Variants in ARHGAP20 observed in about 807,000 individuals in gnomAD.
ARHGAP20 encodes the protein rho GTPase-activating protein 20.
ARHGAP20 carries 34 observed loss-of-function variants against 73.7 expected under a neutral mutation model. The observed-to-expected ratio is 0.46, with a 90% CI of 0.35 to 0.61. The LOEUF (loss-of-function observed/expected upper bound fraction) is 0.61, where lower values mean the gene tolerates loss of function less well. Ranked by LOEUF, ARHGAP20 falls within the 20% of genes least tolerant of loss-of-function variation. The pLI, the probability that ARHGAP20 is intolerant of heterozygous loss-of-function variation, is 0.00. For synonymous variants in ARHGAP20, 523 were observed against 518.2 expected (o/e 1.01, Z -0.13); for missense variants, 1,314 against 1,420.9 (o/e 0.92, Z 1.21).
intron 2 of ARHGAP20, among the ~76,000 whole-genome samples, chr11:110,679,397 T>C (rs1949994299): frequency 6.6e-6 from 1 of 152,168 alleles, no homozygotes; most frequent in Non-Finnish European, 1.5e-5. Context: ...CTGGATGCCA[T>C]TGTGGAGGCT....
At chr11:110,629,651 G>T (rs1948820470) in intron 3 of ARHGAP20, among the ~76,000 whole-genome samples, 1 of 152,144 alleles carries the variant, frequency 6.6e-6, no homozygotes, top group Non-Finnish European at 1.5e-5. Context: ...TATAAAAACA[G>T]TTCACTAAGC....
intron 8 of ARHGAP20, 29 bp downstream of exon 8, chr11:110,608,955 T>A (rs777196697): frequency 6.3e-7 from 1 of 1,582,258 alleles, no homozygotes; most frequent in Admixed American, 1.7e-5. Flanking sequence ...ACACAATCAA[T>A]GCTATCTTAG....
chr11:110,606,231 C>G (rs1948226175), intron 9 of ARHGAP20, among the ~76,000 whole-genome samples: 1 of 152,152 alleles, frequency 6.6e-6, no homozygotes, highest in Non-Finnish European at 1.5e-5. Flanking sequence ...TTAGGGAGAA[C>G]ACACAGTTGG....
intron 5 of ARHGAP20, 35 bp from the exon 6 acceptor site, chr11:110,614,680 G>T: frequency 2.2e-6 from 3 of 1,383,938 alleles, no homozygotes; most frequent in East Asian, 2.4e-5. Context: ...AAACAACACT[G>T]AGTCAGATGG....
At chr11:110,624,859 C>T (rs1948703124) in intron 3 of ARHGAP20, among the ~76,000 whole-genome samples, 1 of 152,072 alleles carries the variant, frequency 6.6e-6, no homozygotes, top group Admixed American at 6.5e-5. Context: ...AACTGGCCAC[C>T]TTATTTTTCT....
At chr11:110,598,401 A>T (rs921143176) in intron 9 of ARHGAP20, among the ~76,000 whole-genome samples, 3 of 152,150 alleles carry the variant, frequency 2.0e-5, no homozygotes, top group African/African-American at 7.2e-5. Context: ...ATTCCATTTA[A>T]TTCCAGAACT....
intron 9 of ARHGAP20, among the ~76,000 whole-genome samples, chr11:110,598,863 C>A (rs764638552): frequency 2.0e-5 from 3 of 152,162 alleles, no homozygotes. Context: ...AATCCCTGGG[C>A]TCTCAGGACC....
chr11:110,648,065 C>T (rs1452715344), intron 2 of ARHGAP20, among the ~76,000 whole-genome samples: 1 of 150,232 alleles, frequency 6.7e-6, no homozygotes, highest in Non-Finnish European at 1.5e-5. Context: ...TGAATAACTA[C>T]CAAAAAGCCT....
At chr11:110,692,783 T>C (rs1055289717) in intron 1 of ARHGAP20, among the ~76,000 whole-genome samples, 1 of 151,990 alleles carries the variant, frequency 6.6e-6, no homozygotes, top group Non-Finnish European at 1.5e-5. Context: ...AGAACTATAA[T>C]GTGGAGGAAA....
chr11:110,611,026 G>GTA (rs1362527390), intron 7 of ARHGAP20, among the ~76,000 whole-genome samples: 3 of 151,912 alleles, frequency 2.0e-5, no homozygotes, highest in East Asian at 1.9e-4. Context: ...AAAAATTTTT[G>GTA]TATATATATA....
chr11:110,583,616 C>T lies in ARHGAP20; in HGVS notation c.1537G>A (p.Val513Ile), dbSNP rs773385706. 6.2e-7 allele frequency: 1 copy of T among 1,613,180 alleles called. No homozygotes were observed. Among genetic ancestry groups the T allele is most frequent in the South Asian group, 1.1e-5 (1 of 90,982 alleles). The change falls in exon 13 of 15, where the codon GTC becomes ATC. Residue 513 changes from valine (V) to isoleucine (I), a missense_variant. Val to Ile is a conservative substitution (Grantham distance 29, BLOSUM62 3). Coordinates refer to ENST00000683387, the MANE Select transcript of ARHGAP20 (RefSeq NM_001384657.1). ...QMTAFNLAVC[V>I]APSILWPPAS... is the part of the protein sequence containing the mutation. ...GGAGGCCAAAGAATACTTGGAGCGACACACACAGCTAAATTAAATGCAGTC... is the reference window on the plus strand; with the variant it reads ...GGAGGCCAAAGAATACTTGGAGCGATACACACAGCTAAATTAAATGCAGTC...
chr11:110,614,385 A>G (rs143057124), intron 6 of ARHGAP20, among the ~76,000 whole-genome samples, 176 bp downstream of exon 6: 8 of 152,308 alleles, frequency 5.3e-5, no homozygotes, highest in African/African-American at 1.9e-4. Flanking sequence ...CATATATATG[A>G]AGACATACAT....
At position 110,579,730 on chromosome 11, in the gene ARHGAP20, C is replaced by G; in HGVS notation, c.3216G>C (p.Glu1072Asp). 2.5e-6 allele frequency: 4 copies of G among 1,614,010 alleles called. No individual in the cohort carries two copies. Among genetic ancestry groups the G allele is most frequent in the Non-Finnish European group, 3.4e-6 (4 of 1,179,994 alleles). Residue 1072 changes from glutamate to aspartate, a missense_variant, in exon 15 of 15, where the codon GAG becomes GAC. This residue lies in a region of ARHGAP20 where 641 missense variants were observed against 636.9 expected (regional missense o/e 1.01). Transcript: ENST00000683387. Reference protein sequence around the residue: ...EKIASPKGPLEPPPHASGVPE... With the variant: ...EKIASPKGPLDPPPHASGVPE... The stretch of plus-strand genomic sequence containing the variant: ...GAACACCAGAAGCATGTGGGGGTGG[C>G]TCTAAGGGTCCTTTTGGAGAAGCTA...
chr11:110,622,832 T>C (rs1385087516), intron 4 of ARHGAP20, among the ~76,000 whole-genome samples: 1 of 152,206 alleles, frequency 6.6e-6, no homozygotes, highest in African/African-American at 2.4e-5. Context: ...GTACATGTTA[T>C]CTACATGACA....
intron 7 of ARHGAP20, among the ~76,000 whole-genome samples, chr11:110,609,829 T>C (rs117336184): frequency 1.3e-5 from 2 of 152,152 alleles, no homozygotes; most frequent in East Asian, 3.9e-4. Flanking sequence ...TAAAAACCAT[T>C]CCACCCCCCA....
intron 2 of ARHGAP20, among the ~76,000 whole-genome samples, chr11:110,644,282 T>G (rs1407092905): frequency 6.6e-6 from 1 of 152,130 alleles, no homozygotes; most frequent in African/African-American, 2.4e-5. Context: ...AATGTCATTT[T>G]TCACAAAATT....
chr11:110,641,867 C>G (rs539111191), intron 2 of ARHGAP20, among the ~76,000 whole-genome samples: 19 of 151,958 alleles, frequency 1.3e-4, no homozygotes, highest in African/African-American at 4.1e-4. Flanking sequence ...TCATTATCCA[C>G]TAAGTAAAAT....
chr11:110,712,252 TC>T lies in ARHGAP20; in HGVS notation c.-22del. ...TCCATGAAGAAAATCTTCAAACAAATCCCAGCCCAGGAGGAGGCTACACGAT... is the reference window on the plus strand; with the variant it reads ...TCCATGAAGAAAATCTTCAAACAAATCCAGCCCAGGAGGAGGCTACACGAT... On this transcript the variant is annotated 5_prime_UTR_variant, in exon 1 of 15. Transcript: ENST00000683387. 7.6e-7 allele frequency: 1 copy of T among 1,319,630 alleles called. No individual in the cohort carries two copies. The allele number at this position is 1,319,630 out of a possible 1,614,324, so 81.7% of individuals were successfully genotyped here. A position where few individuals can be genotyped will look rare whatever the true frequency, so the allele number is the denominator to read the frequency against.
At chr11:110,601,592 T>G (rs755240041) in intron 9 of ARHGAP20, among the ~76,000 whole-genome samples, 6 of 152,196 alleles carry the variant, frequency 3.9e-5, no homozygotes, top group Non-Finnish European at 2.9e-5. Flanking sequence ...GCCACCTCCC[T>G]TTGGATAACT....
Sources: gnomAD v4.1 joint callset for allele counts (sites outside exome capture counted in the v4.1 genomes callset) on GRCh38, gnomAD v4.1.1 for gene constraint, gnomAD v4.1.1 regional missense constraint, MANE v1.5 for transcripts, NCBI Gene and HGNC (gene_info 2026-07-23, HGNC 2026-07-21) for gene names.